FKBP5: variants seen among roughly 807,000 people sequenced by gnomAD.
FKBP5 encodes the protein peptidyl-prolyl cis-trans isomerase FKBP5.
In FKBP5, 23 loss-of-function variants were observed where a neutral mutation model predicts 50.5. That is an observed-to-expected ratio of 0.46 (90% confidence interval 0.33 to 0.65). The LOEUF is 0.65. FKBP5 is among the 30% of genes least tolerant of loss of function. FKBP5 has a pLI of 0.02. For missense variants in FKBP5, 411 were observed against 553.1 expected (o/e 0.74, Z 2.58); for synonymous variants, 176 against 190.6 (o/e 0.92, Z 0.63).
In FKBP5 at chr6:35,585,998, G is replaced by C. The variant is rs2150955950; in HGVS notation, c.840+1036C>G. On this transcript the variant is annotated intron_variant, in intron 8 of 10. Transcript: ENST00000357266. ...TGTCTTATAGCAGATGCCCCATAAA[G>C]ACTTGTTAAAGTACACTTATGCCTC... 2 of 985,300 alleles carry C rather than the reference G, an allele frequency of 2.0e-6. 1 individual carries two copies. The allele number at this position is 985,300 out of a possible 1,614,324, so 61.0% of individuals were successfully genotyped here.
chr6:35,625,147 G>A (rs1362664221), intron 3 of FKBP5, among the ~76,000 whole-genome samples: 7 of 152,212 alleles, frequency 4.6e-5, no homozygotes, highest in Middle Eastern at 3.4e-3. Context: ...GCAGTGGCAC[G>A]ATCTTGGCTC....
chr6:35,680,567 GAT>G, intron 1 of FKBP5, among the ~76,000 whole-genome samples: 1 of 152,302 alleles, frequency 6.6e-6, no homozygotes, highest in East Asian at 1.9e-4. Flanking sequence ...TTTAAGCTAT[GAT>G]TTAAATTGAT....
rs553456999 is a variant in FKBP5 at position 35,677,332 on chromosome 6, C to T, written c.-20+11472G>A. On this transcript the variant is annotated intron_variant, in intron 1 of 10. Coordinates refer to ENST00000357266, the MANE Select transcript of FKBP5 (RefSeq NM_004117.4). ...TTGTGATCCGCCCGCCTCGGCCTCC[C>T]AAAGTGCTGGGATTACAGGCATGAG... Among the ~76,000 whole-genome samples, 27 of 152,294 alleles carry T rather than the reference C, an allele frequency of 1.8e-4. No homozygotes were observed. The South Asian group carries it at 5.4e-3, about 30-fold the overall frequency.
intron 2 of FKBP5, among the ~76,000 whole-genome samples, chr6:35,640,384 G>T (rs896035995): frequency 6.6e-6 from 1 of 151,884 alleles, no homozygotes; most frequent in Admixed American, 6.6e-5. Context: ...AGTAATAAAA[G>T]GTATACAAGA....
At chr6:35,646,030 C>T (rs1561874740) in intron 1 of FKBP5, among the ~76,000 whole-genome samples, 1 of 152,134 alleles carries the variant, frequency 6.6e-6, no homozygotes, top group Non-Finnish European at 1.5e-5. Flanking sequence ...GCACAAGAAT[C>T]ACTTGAACCT....
At chr6:35,712,865 T>C (rs1766438561) in intron 2 of FKBP5, among the ~76,000 whole-genome samples, 1 of 151,848 alleles carries the variant, frequency 6.6e-6, no homozygotes. Flanking sequence ...TTAGTAAACC[T>C]TCATCACAGT....
intron 5 of FKBP5, among the ~76,000 whole-genome samples, chr6:35,607,045 A>G (rs1041195805): frequency 4.6e-5 from 7 of 152,046 alleles, no homozygotes; most frequent in African/African-American, 1.4e-4. Flanking sequence ...GGTTCAAGCA[A>G]TTCTGCCTCA....
At chr6:35,586,760 A>T in intron 8 of FKBP5, 1 of 1,356,398 alleles carries the variant, frequency 7.4e-7, no homozygotes, top group Non-Finnish European at 9.5e-7. Flanking sequence ...GGAGTGAGTG[A>T]TACTGTGGTG....
intron 2 of FKBP5, among the ~76,000 whole-genome samples, chr6:35,695,954 C>A (rs978435749): frequency 3.3e-5 from 5 of 150,130 alleles, no homozygotes; most frequent in African/African-American, 1.2e-4. Flanking sequence ...ACCATCCTGG[C>A]TAACACGGTG....
At chr6:35,643,542 T>C (rs1350579942) in intron 1 of FKBP5, among the ~76,000 whole-genome samples, 1 of 152,216 alleles carries the variant, frequency 6.6e-6, no homozygotes, top group Non-Finnish European at 1.5e-5. Context: ...CCCTTCACAA[T>C]CTGGCCCTAA....
chr6:35,720,803 G>C (rs1460555147), intron 1 of FKBP5, among the ~76,000 whole-genome samples: 1 of 152,158 alleles, frequency 6.6e-6, no homozygotes, highest in Non-Finnish European at 1.5e-5. Context: ...CAATAAAGAA[G>C]AATCACCATT....
chr6:35,702,503 A>G (rs1487559324), intron 2 of FKBP5, among the ~76,000 whole-genome samples: 1 of 150,432 alleles, frequency 6.6e-6, no homozygotes, highest in African/African-American at 2.5e-5. Context: ...CCCAGGCTGG[A>G]GTGCAGTGGC....
At chr6:35,698,492 C>T (rs1162956164) in intron 2 of FKBP5, among the ~76,000 whole-genome samples, 1 of 147,540 alleles carries the variant, frequency 6.8e-6, no homozygotes, top group Non-Finnish European at 1.5e-5. Context: ...ACTAAAAATG[C>T]AAAAATTAGC....
intron 7 of FKBP5, among the ~76,000 whole-genome samples, chr6:35,588,767 ATT>A (rs758119749): frequency 1.5e-4 from 20 of 135,686 alleles, no homozygotes; most frequent in Admixed American, 3.7e-4. Context: ...TGTCCAGCTA[ATT>A]TTTTTTTTTT....
At chr6:35,642,684 G>C (rs1764526571) in intron 2 of FKBP5, 36 bp downstream of exon 2, 5 of 1,528,026 alleles carry the variant, frequency 3.3e-6, no homozygotes, top group Non-Finnish European at 4.5e-6. Flanking sequence ...CCAGACAGCA[G>C]GTTTCCTTGT....
chr6:35,683,118 ATATGTGTGTGTGTG>A (rs1483571005), intron 1 of FKBP5, among the ~76,000 whole-genome samples: 4,072 of 108,790 alleles, frequency 0.037, 210 homozygotes, highest in South Asian at 0.041. Context: ...ATATATACGT[ATATGTGTGTGTGTG>A]TGTGTGTGTG....
intron 2 of FKBP5, 27 bp downstream of exon 2, chr6:35,642,693 G>T (rs75950706): frequency 6.4e-7 from 1 of 1,565,174 alleles, no homozygotes; most frequent in Admixed American, 1.7e-5. Context: ...AGGTTTCCTT[G>T]TATGTCACTC....
intron 3 of FKBP5, among the ~76,000 whole-genome samples, chr6:35,627,764 T>C (rs1004455596): frequency 7.9e-5 from 12 of 151,982 alleles, no homozygotes; most frequent in African/African-American, 2.4e-4. Flanking sequence ...TTATCTTTTC[T>C]TTTTTCTTTT....
chr6:35,583,208 T>C (rs1178543513), intron 8 of FKBP5: 35 of 985,366 alleles, frequency 3.6e-5, no homozygotes, highest in Non-Finnish European at 4.2e-5. Context: ...TCCCCTGTCA[T>C]GCCTCATTTC....
Sources: allele counts gnomAD v4.1 joint callset (sites outside exome capture counted in the v4.1 genomes callset), GRCh38; gene constraint gnomAD v4.1.1; transcripts MANE v1.5; gene names NCBI Gene and HGNC (gene_info 2026-07-23, HGNC 2026-07-21).